KDM4C: variants seen among roughly 807,000 people sequenced by gnomAD.
KDM4C encodes lysine-specific demethylase 4C.
Under a neutral mutation model 129.3 loss-of-function variants are expected in KDM4C, and 81 were observed. The ratio of observed to expected loss-of-function variants is 0.63; its 90% confidence interval spans 0.52 to 0.75. The LOEUF is 0.75. Ranked by LOEUF, KDM4C falls within the 30% of genes least tolerant of loss-of-function variation. KDM4C has a pLI of 0.00. For missense variants in KDM4C, 1,457 were observed against 1,304.0 expected (o/e 1.12, Z -1.81); for synonymous variants, 573 against 456.1 (o/e 1.26, Z -3.26).
chr9:7,047,996 A>G (rs1378301527), intron 16 of KDM4C, among the ~76,000 whole-genome samples: 4 of 152,050 alleles, frequency 2.6e-5, no homozygotes, highest in Non-Finnish European at 5.9e-5. Flanking sequence ...GGTATTTATC[A>G]TTATTACATT....
chr9:6,904,456 A>G (rs891280346), intron 8 of KDM4C, among the ~76,000 whole-genome samples: 12 of 151,366 alleles, frequency 7.9e-5, no homozygotes, highest in Non-Finnish European at 1.5e-4. Context: ...AGTACATAAG[A>G]GTTCATTGCA....
intron 21 of KDM4C, among the ~76,000 whole-genome samples, chr9:7,172,004 C>G (rs59687535): frequency 1.3e-4 from 20 of 152,234 alleles, no homozygotes; most frequent in Non-Finnish European, 2.6e-4. Flanking sequence ...ACAGTCTTGT[C>G]GTAGCCAGCC....
At chr9:6,984,630 C>G (rs552783977) in intron 10 of KDM4C, among the ~76,000 whole-genome samples, 9 of 151,600 alleles carry the variant, frequency 5.9e-5, no homozygotes, top group African/African-American at 1.9e-4. Context: ...TCAGCAGTGC[C>G]TATTTGGTTT....
chr9:6,781,809 G>T (rs1824400827), intron 1 of KDM4C, among the ~76,000 whole-genome samples: 1 of 151,698 alleles, frequency 6.6e-6, no homozygotes, highest in Non-Finnish European at 1.5e-5. Context: ...CTGATTTTGG[G>T]GTTATAAATA....
At chr9:6,963,691 C>T (rs1215953045) in intron 8 of KDM4C, among the ~76,000 whole-genome samples, 1 of 152,212 alleles carries the variant, frequency 6.6e-6, no homozygotes, top group Non-Finnish European at 1.5e-5. Flanking sequence ...AGATCCATTC[C>T]TTCTCTTGCA....
At chr9:6,927,089 T>TTCTA (rs34242647) in intron 8 of KDM4C, among the ~76,000 whole-genome samples, 18,736 of 144,888 alleles carry the variant, frequency 0.13, 1,304 homozygotes, top group African/African-American at 0.19. Context: ...AAAAAAAATT[T>TTCTA]TCTATCTATC....
At chr9:6,747,496 C>T (rs534702199) in intron 1 of KDM4C, among the ~76,000 whole-genome samples, 68 of 133,492 alleles carry the variant, frequency 5.1e-4, no homozygotes, top group African/African-American at 1.8e-3. Context: ...TGCAGTGAGC[C>T]GAGATCGCGC....
At chr9:6,834,611 C>T (rs1180202948) in intron 4 of KDM4C, 10 of 756,464 alleles carry the variant, frequency 1.3e-5, no homozygotes, top group Non-Finnish European at 2.5e-5. Flanking sequence ...GAAGGACTCC[C>T]ATGTGGGCGA....
intron 12 of KDM4C, among the ~76,000 whole-genome samples, chr9:7,004,657 A>G (rs146921851): frequency 6.0e-4 from 92 of 152,290 alleles, no homozygotes; most frequent in African/African-American, 2.2e-3. Context: ...CTTTATTACC[A>G]TCAATTATAT....
At chr9:6,775,722 A>G (rs989064869) in intron 1 of KDM4C, among the ~76,000 whole-genome samples, 4 of 151,928 alleles carry the variant, frequency 2.6e-5, no homozygotes, top group Non-Finnish European at 5.9e-5. Context: ...GGGTTTCTCC[A>G]TGTTGGTCAG....
At chr9:6,929,712 A>G (rs757778216) in intron 8 of KDM4C, among the ~76,000 whole-genome samples, 2 of 152,020 alleles carry the variant, frequency 1.3e-5, no homozygotes, top group African/African-American at 2.4e-5. Context: ...CAGGATTGCA[A>G]TCCGGGTGTA....
intron 1 of KDM4C, among the ~76,000 whole-genome samples, chr9:6,780,315 A>C (rs1824033814): frequency 6.6e-6 from 1 of 151,570 alleles, no homozygotes; most frequent in Admixed American, 6.6e-5. Flanking sequence ...ATTAAAGATG[A>C]GGTAATTTAT....
intron 17 of KDM4C, among the ~76,000 whole-genome samples, chr9:7,075,908 A>G (rs1833853988): frequency 6.6e-6 from 1 of 151,772 alleles, no homozygotes; most frequent in South Asian, 2.1e-4. Flanking sequence ...TTGGGTGAAA[A>G]TTTAAATCTT....
Position 7,011,848 on chromosome 9 carries a change from C to A in KDM4C, c.1937C>A (p.Ala646Asp). 1 of 1,613,868 alleles carries A rather than the reference C, an allele frequency of 6.2e-7. No homozygotes were observed. The highest frequency in any genetic ancestry group is 8.5e-7 in the Non-Finnish European group (1 of 1,179,904). The change falls in exon 13 of 22, where the codon GCC (alanine) becomes GAC (aspartate). Residue 646 changes from alanine to aspartate, a missense_variant. Physicochemically the swap from Ala to Asp is moderately radical, Grantham distance 126 (BLOSUM62 -2). Transcript: ENST00000381309. Reference protein sequence around the residue: ...ATVARMKPHCAICTLLMPYHK... With the variant: ...ATVARMKPHCDICTLLMPYHK... ...GTGGCCAGGATGAAGCCACACTGTG[C>A]CATCTGCACTCTGCTCATGCCGTAC...
chr9:6,977,227 C>G (rs1380256599), intron 8 of KDM4C, among the ~76,000 whole-genome samples: 1 of 152,136 alleles, frequency 6.6e-6, no homozygotes, highest in Non-Finnish European at 1.5e-5. Context: ...GTTCAAAAAT[C>G]TAATTGATCT....
At position 6,824,167 on chromosome 9, in the gene KDM4C, A is replaced by G. The variant is rs1412846128; in HGVS notation, c.435+9422A>G. 5.3e-5 allele frequency among the ~76,000 whole-genome samples: 8 copies of G among 152,242 alleles called. No individual in the cohort carries two copies. In the East Asian group the frequency reaches 1.5e-3, roughly 29 times the overall value. The stretch of plus-strand genomic sequence containing the variant: ...TATTGTAGCAAATAGTTGGAAAATG[A>G]TAACAGAGGATGAAGGTTACTTGTA... On this transcript the variant is annotated intron_variant, in intron 4 of 21. Transcript: ENST00000381309.
intron 18 of KDM4C, among the ~76,000 whole-genome samples, chr9:7,123,985 A>G (rs1480011116): frequency 2.0e-5 from 3 of 152,164 alleles, no homozygotes; most frequent in East Asian, 1.9e-4. Context: ...AGGTCTCAGT[A>G]TGTTCTTCAT....
At chr9:6,728,421 C>G (rs555191664) in intron 1 of KDM4C, among the ~76,000 whole-genome samples, 3 of 152,214 alleles carry the variant, frequency 2.0e-5, no homozygotes, top group East Asian at 3.9e-4. Flanking sequence ...GAAATCCCCA[C>G]TACTCAGGAG....
At chr9:6,801,838 C>G (rs1329785891) in intron 2 of KDM4C, among the ~76,000 whole-genome samples, 2 of 152,070 alleles carry the variant, frequency 1.3e-5, no homozygotes, top group African/African-American at 2.4e-5. Context: ...GGCGCGGTGG[C>G]TCATGCCTGT....
Sources: gnomAD v4.1 joint callset for allele counts (sites outside exome capture counted in the v4.1 genomes callset) on GRCh38, gnomAD v4.1.1 for gene constraint, MANE v1.5 for transcripts, NCBI Gene and HGNC (gene_info 2026-07-23, HGNC 2026-07-21) for gene names.